CCSER1: variants seen among roughly 807,000 people sequenced by gnomAD.
CCSER1 encodes the protein serine-rich coiled-coil domain-containing protein 1.
CCSER1 carries 41 observed loss-of-function variants against 82.0 expected under a neutral mutation model. The observed-to-expected ratio is 0.50, with a 90% CI of 0.39 to 0.65. The LOEUF is 0.65. Among genes scored for constraint, CCSER1 ranks in the 30% least tolerant of loss-of-function variants. CCSER1 has a pLI of 0.00. For missense variants in CCSER1, 1,119 were observed against 1,064.2 expected (o/e 1.05, Z -0.72); for synonymous variants, 414 against 383.9 (o/e 1.08, Z -0.92).
intron 9 of CCSER1, among the ~76,000 whole-genome samples, chr4:90,994,129 T>G (rs1737280327): frequency 6.6e-6 from 1 of 151,806 alleles, no homozygotes; most frequent in African/African-American, 2.4e-5. Flanking sequence ...AACCCAGGAG[T>G]TCGAGGCTGT....
intron 2 of CCSER1, among the ~76,000 whole-genome samples, chr4:90,309,810 A>G (rs1734979004): frequency 6.6e-6 from 1 of 152,130 alleles, no homozygotes; most frequent in Non-Finnish European, 1.5e-5. Flanking sequence ...TGAAAATGTA[A>G]TTCAGCAATA....
At chr4:90,834,734 G>A (rs1177896215) in intron 8 of CCSER1, among the ~76,000 whole-genome samples, 2 of 152,174 alleles carry the variant, frequency 1.3e-5, no homozygotes, top group Admixed American at 6.5e-5. Context: ...TTTAACACCT[G>A]ATGTGTACAT....
At chr4:91,509,529 T>C (rs1216557666) in intron 10 of CCSER1, among the ~76,000 whole-genome samples, 1 of 152,090 alleles carries the variant, frequency 6.6e-6, no homozygotes, top group African/African-American at 2.4e-5. Context: ...CTTTGGAACT[T>C]GAGGATAATA....
intron 10 of CCSER1, among the ~76,000 whole-genome samples, chr4:91,455,142 A>G (rs973718132): frequency 2.0e-5 from 3 of 152,126 alleles, no homozygotes; most frequent in African/African-American, 7.2e-5. Context: ...AAAGAGAGAA[A>G]ACATTCCAAG....
Position 90,371,265 on chromosome 4 carries a change from C to CT in CCSER1, c.1510-28763dup, listed in dbSNP as rs200824932. Among the ~76,000 whole-genome samples the CT allele has an allele frequency of 5.9e-5, 9 of 151,666 alleles. No homozygotes were observed. In the East Asian group the frequency reaches 1.5e-3, roughly 26 times the overall value. On this transcript the variant is annotated intron_variant, in intron 3 of 10. Coordinates refer to ENST00000509176, the MANE Select transcript of CCSER1 (RefSeq NM_001145065.2). The stretch of plus-strand genomic sequence containing the variant: ...TTCCAGAAAATAATTGCTATTTTGT[C>CT]TTTTTTTTAAAATAACAAATTGTGA...
intron 1 of CCSER1, among the ~76,000 whole-genome samples, chr4:90,240,255 G>T (rs1015076218): frequency 5.3e-5 from 8 of 152,154 alleles, no homozygotes; most frequent in African/African-American, 1.9e-4. Flanking sequence ...AGTGGACTCA[G>T]TAGGACTCAG....
At chr4:90,862,691 C>T (rs1308849804) in intron 8 of CCSER1, among the ~76,000 whole-genome samples, 4 of 151,824 alleles carry the variant, frequency 2.6e-5, no homozygotes, top group Non-Finnish European at 5.9e-5. Context: ...ACTGAAGTTG[C>T]AGGATAGAGG....
chr4:91,024,266 A>C (rs527655098), intron 9 of CCSER1, among the ~76,000 whole-genome samples: 1 of 152,300 alleles, frequency 6.6e-6, no homozygotes, highest in South Asian at 2.1e-4. Context: ...AACTGAAAGT[A>C]AGGTGTTTAC....
chr4:91,379,604 T>A (rs917311060), intron 10 of CCSER1, among the ~76,000 whole-genome samples: 4 of 152,192 alleles, frequency 2.6e-5, no homozygotes, highest in African/African-American at 9.7e-5. Context: ...TGATATCCCC[T>A]TTATCATTTT....
chr4:90,155,875 A>C (rs1296312642), intron 1 of CCSER1, among the ~76,000 whole-genome samples: 1 of 150,856 alleles, frequency 6.6e-6, no homozygotes, highest in Non-Finnish European at 1.5e-5. Flanking sequence ...TATTTCCTTC[A>C]GTTCTGCTCT....
chr4:91,177,317 G>T (rs555561719), intron 10 of CCSER1, among the ~76,000 whole-genome samples: 1 of 152,302 alleles, frequency 6.6e-6, no homozygotes, highest in Admixed American at 6.5e-5. Flanking sequence ...TTGGTATCAG[G>T]ATGATGCTGG....
intron 10 of CCSER1, among the ~76,000 whole-genome samples, chr4:91,191,992 T>C (rs10516888): frequency 0.017 from 2,607 of 152,322 alleles, 58 homozygotes; most frequent in African/African-American, 0.05. Flanking sequence ...GCCTTTAACT[T>C]GGTGCCATCT....
intron 10 of CCSER1, among the ~76,000 whole-genome samples, chr4:91,547,375 G>A (rs1761943452): frequency 6.6e-6 from 1 of 152,076 alleles, no homozygotes; most frequent in South Asian, 2.1e-4. Flanking sequence ...ATATTTTGAT[G>A]CTTTGTTGTT....
chr4:91,238,647 G>A (rs557082329), intron 10 of CCSER1, among the ~76,000 whole-genome samples: 1 of 151,998 alleles, frequency 6.6e-6, no homozygotes, highest in South Asian at 2.1e-4. Context: ...TTAATTTAAG[G>A]TCATCAATGA....
chr4:90,935,640 A>C (rs1288498552), intron 9 of CCSER1, among the ~76,000 whole-genome samples: 2 of 152,152 alleles, frequency 1.3e-5, no homozygotes, highest in Non-Finnish European at 2.9e-5. Context: ...ATATGCAAAA[A>C]TATTTAAATG....
At chr4:90,849,695 A>T (rs1239300367) in intron 8 of CCSER1, among the ~76,000 whole-genome samples, 1 of 151,078 alleles carries the variant, frequency 6.6e-6, no homozygotes, top group Admixed American at 6.6e-5. Context: ...AGGCTGAGGC[A>T]GGAGGATGGT....
chr4:91,019,047 T>C (rs1434644614), intron 9 of CCSER1, among the ~76,000 whole-genome samples: 1 of 152,060 alleles, frequency 6.6e-6, no homozygotes, highest in African/African-American at 2.4e-5. Context: ...ACAATGTCTC[T>C]CAATAAGTGG....
intron 10 of CCSER1, among the ~76,000 whole-genome samples, chr4:91,219,239 C>T (rs1249085609): frequency 6.7e-6 from 1 of 150,014 alleles, no homozygotes; most frequent in East Asian, 2.0e-4. Context: ...TCCAATCTCA[C>T]AGATGATTTT....
intron 10 of CCSER1, among the ~76,000 whole-genome samples, chr4:91,274,131 TAAA>T (rs902306471): frequency 4.6e-5 from 7 of 152,182 alleles, no homozygotes; most frequent in Non-Finnish European, 1.0e-4. Flanking sequence ...GGCATCTTAT[TAAA>T]AAATAAATTT....
Sources: gnomAD v4.1 joint callset for allele counts (sites outside exome capture counted in the v4.1 genomes callset) on GRCh38, gnomAD v4.1.1 for gene constraint, MANE v1.5 for transcripts, NCBI Gene and HGNC (gene_info 2026-07-23, HGNC 2026-07-21) for gene names.